Variants in FAM228A observed in about 807,000 individuals in gnomAD.
FAM228A encodes family with sequence similarity 228 member A, also known as protein FAM228A.
Under a neutral mutation model 18.6 loss-of-function variants are expected in FAM228A, and 13 were observed. The ratio of observed to expected loss-of-function variants is 0.70; its 90% confidence interval spans 0.45 to 1.11. The LOEUF is 1.11. Ranked by LOEUF, FAM228A falls within the 50% of genes least tolerant of loss-of-function variation. FAM228A has a pLI of 0.00. For synonymous variants in FAM228A, 77 were observed against 86.6 expected (o/e 0.89, Z 0.61); for missense variants, 240 against 242.2 (o/e 0.99, Z 0.06).
intron 2 of FAM228A, among the ~76,000 whole-genome samples, chr2:24,177,068 G>A (rs1667709660): frequency 6.6e-6 from 1 of 152,188 alleles, no homozygotes; most frequent in Non-Finnish European, 1.5e-5. Context: ...TGGACCAGTT[G>A]AACTAAAGGG....
At chr2:24,177,358 T>C (rs1667715591) in intron 2 of FAM228A, among the ~76,000 whole-genome samples, 3 of 152,166 alleles carry the variant, frequency 2.0e-5, no homozygotes, top group African/African-American at 7.2e-5. Flanking sequence ...GAGAATCACT[T>C]GAACCTGGAG....
chr2:24,177,564 G>C (rs563714934), intron 2 of FAM228A, among the ~76,000 whole-genome samples: 17 of 148,622 alleles, frequency 1.1e-4, no homozygotes, highest in African/African-American at 3.9e-4. Flanking sequence ...TAGTCTGGGT[G>C]GGGGGGTGCT....
chr2:24,175,641 TC>T (rs1172223094), intron 2 of FAM228A, 68 bp downstream of exon 2: 7 of 1,185,100 alleles, frequency 5.9e-6, no homozygotes. Flanking sequence ...GAACTGTTTA[TC>T]TTAATTTCGC....
Position 24,183,612 on chromosome 2 carries a change from C to T in FAM228A, c.368C>T (p.Ser123Phe), listed in dbSNP as rs545153855. The change falls in exon 5 of 6, where the codon TCT (serine) becomes TTT (phenylalanine). Residue 123 changes from serine to phenylalanine, a missense_variant. Transcript: ENST00000295150. Reference sequence around the variant, plus strand: ...ATTCCAAAAGAGTGGCATAAAGCCTCTGCAAGAGCCAGGAGTAAAACTTAC... The same window carrying T: ...ATTCCAAAAGAGTGGCATAAAGCCTTTGCAAGAGCCAGGAGTAAAACTTAC... Reference protein sequence around the residue: ...CVIPKEWHKASARARSKTYKY... With the variant: ...CVIPKEWHKAFARARSKTYKY... 1 of 1,610,670 alleles carries T rather than the reference C, an allele frequency of 6.2e-7. No individual in the cohort carries two copies. Among genetic ancestry groups the T allele is most frequent in the Non-Finnish European group, 8.5e-7 (1 of 1,178,730 alleles).
intron 3 of FAM228A, among the ~76,000 whole-genome samples, chr2:24,181,775 G>C (rs566856772): frequency 6.6e-6 from 1 of 152,008 alleles, no homozygotes; most frequent in Non-Finnish European, 1.5e-5. Context: ...GCTCTGGAGT[G>C]GGGGAAAACC....
In FAM228A at chr2:24,190,891, C is replaced by A; in HGVS notation, c.*260C>A. On this transcript the variant is annotated 3_prime_UTR_variant, in exon 6 of 6. Coordinates refer to ENST00000295150, the MANE Select transcript of FAM228A (RefSeq NM_001040710.3). ...CAACCTGGCCACAGGGGCTTTTCCC[C>A]CTGAGATTTCTTCAGCGCCTTCGCC... 1 of 1,181,692 alleles carries A rather than the reference C, an allele frequency of 8.5e-7. No individual in the cohort carries two copies. Among genetic ancestry groups the A allele is most frequent in the Non-Finnish European group, 1.0e-6 (1 of 954,460 alleles). The allele number at this position is 1,181,692 out of a possible 1,614,324, so 73.2% of individuals were successfully genotyped here. A position where few individuals can be genotyped will look rare whatever the true frequency, so the allele number is the denominator to read the frequency against.
chr2:24,177,091 T>C (rs1232069763), intron 2 of FAM228A, among the ~76,000 whole-genome samples: 3 of 152,188 alleles, frequency 2.0e-5, no homozygotes, highest in African/African-American at 4.8e-5. Flanking sequence ...CTTTCTGTGG[T>C]TTTTGACTTA....
At chr2:24,177,241 A>G (rs1667713164) in intron 2 of FAM228A, among the ~76,000 whole-genome samples, 1 of 152,198 alleles carries the variant, frequency 6.6e-6, no homozygotes, top group African/African-American at 2.4e-5. Flanking sequence ...GGAGTTCGAG[A>G]GCAGCCTGGC....
intron 2 of FAM228A, among the ~76,000 whole-genome samples, chr2:24,176,591 A>T (rs749198264): frequency 6.6e-6 from 1 of 152,254 alleles, no homozygotes; most frequent in African/African-American, 2.4e-5. Context: ...TATTTTAGGA[A>T]GACCTGGGCA....
At chr2:24,178,447 G>A (rs906498495) in intron 3 of FAM228A, among the ~76,000 whole-genome samples, 3 of 152,098 alleles carry the variant, frequency 2.0e-5, no homozygotes, top group Non-Finnish European at 4.4e-5. Flanking sequence ...GGTGGCACAC[G>A]CCTGTAGTCC....
At position 24,183,631 on chromosome 2, in the gene FAM228A, A is replaced by C; in HGVS notation, c.387A>C (p.Lys129Asn). The C allele has an allele frequency of 6.2e-7, 1 of 1,603,366 alleles. No homozygotes were observed. Among genetic ancestry groups the C allele is most frequent in the Middle Eastern group, 1.7e-4 (1 of 5,998 alleles). Residue 129 changes from lysine (K) to asparagine (N), a missense_variant, in exon 5 of 6, where the codon AAA (lysine) becomes AAC (asparagine). Physicochemically the swap from Lys to Asn is moderately conservative, Grantham distance 94. Transcript: ENST00000295150. ...WHKASARARSKTYKYSPEKLI... is the reference protein window; with the variant it reads ...WHKASARARSNTYKYSPEKLI... ...AAGCCTCTGCAAGAGCCAGGAGTAA[A>C]ACTTACAAATACAGGTACAGATGAG...
In FAM228A at chr2:24,183,258, A is replaced by T. The variant is rs773080933; in HGVS notation, c.163-27A>T. 4 of 1,503,416 alleles carry T rather than the reference A, an allele frequency of 2.7e-6. No homozygotes were observed. In the African/African-American group the frequency reaches 4.1e-5, roughly 16 times the overall value. 93.1% of individuals were successfully genotyped at this position (1,503,416 alleles called of 1,614,324 possible). ...AGCTTAATACAGACTGCACTCTGGT[A>T]CTCAAAGAGTCTCATTTCTCTTGTA... On this transcript the variant is annotated intron_variant, in intron 3 of 5. Coordinates refer to ENST00000295150, the MANE Select transcript of FAM228A (RefSeq NM_001040710.3).
intron 3 of FAM228A, among the ~76,000 whole-genome samples, chr2:24,182,683 C>G (rs1367325386): frequency 6.6e-6 from 1 of 152,116 alleles, no homozygotes; most frequent in Non-Finnish European, 1.5e-5. Flanking sequence ...CTACAGGATC[C>G]TGAGAGGGCC....
intron 5 of FAM228A, among the ~76,000 whole-genome samples, chr2:24,186,120 C>G (rs1267287592): frequency 1.3e-5 from 2 of 151,900 alleles, no homozygotes. Context: ...CCGCCTCAAC[C>G]TCCTGAGTAG....
chr2:24,177,113 A>G (rs1275679855), intron 2 of FAM228A, among the ~76,000 whole-genome samples: 4 of 152,242 alleles, frequency 2.6e-5, no homozygotes, highest in Admixed American at 2.0e-4. Flanking sequence ...GAAGAGATCT[A>G]GCAAAAGGCG....
chr2:24,180,436 T>C (rs1667790411), intron 3 of FAM228A, among the ~76,000 whole-genome samples: 1 of 152,106 alleles, frequency 6.6e-6, no homozygotes, highest in African/African-American at 2.4e-5. Flanking sequence ...TGAGTGACAG[T>C]GAGACCCTAG....
intron 3 of FAM228A, among the ~76,000 whole-genome samples, chr2:24,181,710 A>AG (rs1667819621): frequency 6.6e-6 from 1 of 152,180 alleles, no homozygotes; most frequent in Non-Finnish European, 1.5e-5. Flanking sequence ...ATGAAGAAAA[A>AG]GAAACCAAAT....
At chr2:24,181,389 T>A (rs1025712052) in intron 3 of FAM228A, among the ~76,000 whole-genome samples, 5 of 152,336 alleles carry the variant, frequency 3.3e-5, no homozygotes, top group East Asian at 3.9e-4. Context: ...TAAATTTTTT[T>A]AAATTTTTCT....
chr2:24,179,970 G>A (rs996835686), intron 3 of FAM228A, among the ~76,000 whole-genome samples: 7 of 152,186 alleles, frequency 4.6e-5, no homozygotes, highest in African/African-American at 1.4e-4. Context: ...GTAGGTATTA[G>A]GACTAACAGT....
Sources: gnomAD v4.1 joint callset for allele counts (sites outside exome capture counted in the v4.1 genomes callset) on GRCh38, gnomAD v4.1.1 for gene constraint, MANE v1.5 for transcripts, NCBI Gene and HGNC (gene_info 2026-07-23, HGNC 2026-07-21) for gene names.